Variants in DYNC2LI1 observed in about 807,000 individuals in gnomAD.
DYNC2LI1 encodes cytoplasmic dynein 2 light intermediate chain 1.
Under a neutral mutation model 51.9 loss-of-function variants are expected in DYNC2LI1, and 45 were observed. The ratio of observed to expected loss-of-function variants is 0.87; its 90% CI spans 0.68 to 1.11. DYNC2LI1 has a LOEUF of 1.11. DYNC2LI1 is among the 50% of genes most tolerant of loss of function. The pLI is 0.00. For missense variants in DYNC2LI1, 490 were observed against 417.4 expected (o/e 1.17, Z -1.51); for synonymous variants, 130 against 137.8 (o/e 0.94, Z 0.40).
chr2:43,823,524 G>T, the DYNC2LI1 span, among the ~76,000 whole-genome samples: 3 of 152,094 alleles, frequency 2.0e-5, no homozygotes, highest in Non-Finnish European at 2.9e-5. Context: ...TGAAAATTAG[G>T]TGCTGGCTGT....
At chr2:43,786,694 C>T (rs975712511) in intron 3 of DYNC2LI1, among the ~76,000 whole-genome samples, 33 of 152,092 alleles carry the variant, frequency 2.2e-4, no homozygotes, top group Non-Finnish European at 4.6e-4. Flanking sequence ...GGCCTGGTGG[C>T]GGGTGCTTGT....
Position 43,805,462 on chromosome 2 carries a change from C to T in DYNC2LI1, c.993+216C>T, listed in dbSNP as rs142387034. ...TGAATAAAGAAAAATTTTTAAATCA[C>T]CTGTCATCCCACCACCCAGACATGA... On this transcript the variant is annotated intron_variant, in intron 12 of 12. Coordinates refer to ENST00000260605, the MANE Select transcript of DYNC2LI1 (RefSeq NM_016008.4). 1,174 of 279,748 alleles carry T rather than the reference C, an allele frequency of 4.2e-3. 5 individuals are homozygous for T. The highest frequency in any genetic ancestry group is 0.013 in the South Asian group (153 of 11,762). The allele number at this position is 279,748 out of a possible 1,614,324, so 17.3% of individuals were successfully genotyped here. A position where few individuals can be genotyped will look rare whatever the true frequency, so the allele number is the denominator to read the frequency against.
At chr2:43,786,573 G>A (rs896438842) in intron 3 of DYNC2LI1, among the ~76,000 whole-genome samples, 8 of 152,088 alleles carry the variant, frequency 5.3e-5, no homozygotes, top group African/African-American at 1.4e-4. Flanking sequence ...AGGCCGAGGC[G>A]GGCGGATCAC....
chr2:43,822,479 C>T, the DYNC2LI1 span: 124 of 668,752 alleles, frequency 1.9e-4, 14 homozygotes, highest in Admixed American at 7.9e-4. Context: ...CTCCCCCAGG[C>T]CCCCCCCCAT....
chr2:43,787,757 A>G (rs1352092411), intron 4 of DYNC2LI1, among the ~76,000 whole-genome samples: 1 of 152,242 alleles, frequency 6.6e-6, no homozygotes, highest in South Asian at 2.1e-4. Context: ...TTCATAGTAT[A>G]TGCTGGCAGG....
chr2:43,822,485 C>CG, the DYNC2LI1 span: 2 of 925,946 alleles, frequency 2.2e-6, no homozygotes, highest in Middle Eastern at 5.6e-4. Context: ...CAGGCCCCCC[C>CG]CCATGCACCT....
At chr2:43,791,341 A>C (rs1015151318) in intron 5 of DYNC2LI1, among the ~76,000 whole-genome samples, 1 of 152,104 alleles carries the variant, frequency 6.6e-6, no homozygotes, top group African/African-American at 2.4e-5. Context: ...CTCCTATTCA[A>C]CTGACTTGTT....
At chr2:43,815,517 G>T in the DYNC2LI1 span, among the ~76,000 whole-genome samples, 1 of 152,154 alleles carries the variant, frequency 6.6e-6, no homozygotes, top group African/African-American at 2.4e-5. Flanking sequence ...TCACCTATTT[G>T]CAAGGTGTCC....
At chr2:43,815,540 T>G in the DYNC2LI1 span, among the ~76,000 whole-genome samples, 2 of 152,224 alleles carry the variant, frequency 1.3e-5, no homozygotes, top group Admixed American at 6.5e-5. Flanking sequence ...AACCTTTCAG[T>G]TTCCTAAGGC....
rs111778899 is a variant in DYNC2LI1 at position 43,787,377 on chromosome 2, T to C, written c.231+127T>C. 5 of 733,394 alleles carry C rather than the reference T, an allele frequency of 6.8e-6. No individual in the cohort carries two copies. In the African/African-American group the frequency reaches 7.1e-5, roughly 10 times the overall value. 45.4% of individuals were successfully genotyped at this position (733,394 alleles called of 1,614,324 possible). On this transcript the variant is annotated intron_variant, in intron 4 of 12. Transcript: ENST00000260605. ...CCCAGTTGTACACTTCGTAGCTGTC[T>C]ACCATTAAACTTCAAATGCAGTGTG... is the stretch of plus-strand genomic sequence containing the variant.
At chr2:43,825,000 T>G in the DYNC2LI1 span, 1 of 1,613,888 alleles carries the variant, frequency 6.2e-7, no homozygotes, top group African/African-American at 1.3e-5. Context: ...AAGCTCAGGA[T>G]GGCAATTTTG....
chr2:43,810,019 AG>A (rs1261653674), downstream of DYNC2LI1: 28 of 1,038,526 alleles, frequency 2.7e-5, no homozygotes, highest in Non-Finnish European at 3.2e-5. Context: ...AACATGTTTA[AG>A]TGGTATATAC....
intron 6 of DYNC2LI1, among the ~76,000 whole-genome samples, chr2:43,795,584 A>G (rs1281500050): frequency 6.6e-6 from 1 of 152,172 alleles, no homozygotes; most frequent in African/African-American, 2.4e-5. Context: ...TGCTGTTCCA[A>G]CAGTCAACAT....
rs1673938861 is a variant in DYNC2LI1 at position 43,794,481 on chromosome 2, G to A, written c.345G>A (p.Leu115=). 6.2e-7 allele frequency: 1 copy of A among 1,613,006 alleles called. No individual in the cohort carries two copies. The highest frequency in any genetic ancestry group is 8.5e-7 in the Non-Finnish European group (1 of 1,179,662). The change falls in exon 6 of 13, where the codon CTG becomes CTA. Residue 115 remains leucine, a synonymous_variant. Transcript: ENST00000260605. ...TLRTFSLVLV[L]DLSKPNDLWP... ...GGACGTTTTCTCTTGTTCTCGTTCTGGATCTTTCAAAACCTAATGATCTCT... is the reference window on the plus strand; with the variant it reads ...GGACGTTTTCTCTTGTTCTCGTTCTAGATCTTTCAAAACCTAATGATCTCT...
chr2:43,817,314 A>T, the DYNC2LI1 span, among the ~76,000 whole-genome samples: 1 of 151,396 alleles, frequency 6.6e-6, no homozygotes, highest in African/African-American at 2.4e-5. Context: ...GTGAAACCTC[A>T]TCTCTACCAA....
chr2:43,792,808 C>T lies in DYNC2LI1; in HGVS notation c.321-1649C>T, dbSNP rs570357789. ...TAGCATAACGTCTTCAGGGTTCTTC[C>T]GTTTGTAGTATGTGTCAGGATTTCC... On this transcript the variant is annotated intron_variant, in intron 5 of 12. Transcript: ENST00000260605. 2.1e-5 allele frequency: 32 copies of T among 1,521,380 alleles called. No individual in the cohort carries two copies. The Admixed American group carries it at 4.4e-4, about 21-fold the overall frequency. The allele number at this position is 1,521,380 out of a possible 1,614,324, so 94.2% of individuals were successfully genotyped here. A position where few individuals can be genotyped will look rare whatever the true frequency, so the allele number is the denominator to read the frequency against.
chr2:43,808,443 A>G (rs935520413), intron 12 of DYNC2LI1, among the ~76,000 whole-genome samples: 2 of 152,236 alleles, frequency 1.3e-5, no homozygotes, highest in African/African-American at 2.4e-5. Context: ...TGTTAGCCAA[A>G]GGGCATTGAT....
intron 10 of DYNC2LI1, 71 bp downstream of exon 10, chr2:43,801,780 C>T: frequency 8.6e-7 from 1 of 1,165,312 alleles, no homozygotes; most frequent in Non-Finnish European, 1.3e-6. Context: ...TCCATGTTCA[C>T]TTTGTCTCCA....
At position 43,801,718 on chromosome 2, in the gene DYNC2LI1, A is replaced by G. The variant is rs1186105628; in HGVS notation, c.802+9A>G. On this transcript the variant is annotated intron_variant, in intron 10 of 12. Coordinates refer to ENST00000260605, the MANE Select transcript of DYNC2LI1 (RefSeq NM_016008.4). Reference sequence around the variant, plus strand: ...TTCTTTCGGTCAAATAGGTTAGTGAACTTATTAAGATTGTTCAATCTTTTT... The same window carrying G: ...TTCTTTCGGTCAAATAGGTTAGTGAGCTTATTAAGATTGTTCAATCTTTTT... 14 of 1,601,346 alleles carry G rather than the reference A, an allele frequency of 8.7e-6. No homozygotes were observed. Among genetic ancestry groups the G allele is most frequent in the Non-Finnish European group, 1.2e-5 (14 of 1,171,344 alleles).
Sources: allele counts gnomAD v4.1 joint callset (sites outside exome capture counted in the v4.1 genomes callset), GRCh38; gene constraint gnomAD v4.1.1; transcripts MANE v1.5; gene names NCBI Gene and HGNC (gene_info 2026-07-23, HGNC 2026-07-21).